The following NRP2 variants were observed in gnomAD, a reference collection of about 807,000 sequenced individuals.
NRP2 encodes neuropilin-2.
A neutral mutation model predicts 110.4 loss-of-function variants in NRP2; 52 were observed. The ratio of observed to expected loss-of-function variants is 0.47; its 90% CI spans 0.38 to 0.59. The LOEUF (loss-of-function observed/expected upper bound fraction) is 0.59, where lower values mean the gene tolerates loss of function less well. Ranked by LOEUF, NRP2 falls within the 20% of genes least tolerant of loss-of-function variation. NRP2 has a pLI of 0.00. For missense variants in NRP2, 1,049 were observed against 1,203.0 expected (o/e 0.87, Z 1.89); for synonymous variants, 508 against 468.9 (o/e 1.08, Z -1.08).
Position 205,770,907 on chromosome 2 carries a change from C to T in NRP2, c.2425+4104C>T, listed in dbSNP as rs181360260. ...ACACAGAGGTGTTCTTTGTGAGGTT[C>T]GCTGGAGCATGCCACCTCTCCTGCT... On this transcript the variant is annotated intron_variant, in intron 15 of 16. Coordinates refer to ENST00000357785, the MANE Select transcript of NRP2 (RefSeq NM_003872.3). 2.4e-4 allele frequency among the ~76,000 whole-genome samples: 36 copies of T among 152,298 alleles called. No individual in the cohort carries two copies. The East Asian group carries it at 5.6e-3, about 24-fold the overall frequency.
intron 7 of NRP2, among the ~76,000 whole-genome samples, chr2:205,730,578 T>C (rs2057218752): frequency 6.6e-6 from 1 of 151,986 alleles, no homozygotes; most frequent in Admixed American, 6.5e-5. Context: ...TCTGCTCTGC[T>C]CAGAGCAGAG....
At chr2:205,740,012 C>CGG in intron 7 of NRP2, 2 of 251,212 alleles carry the variant, frequency 8.0e-6, no homozygotes, top group East Asian at 1.0e-4. Context: ...CCCTCATCAT[C>CGG]TTGTCCGCTC....
At chr2:205,708,464 G>A (rs576035889) in intron 2 of NRP2, among the ~76,000 whole-genome samples, 18 of 152,252 alleles carry the variant, frequency 1.2e-4, no homozygotes, top group African/African-American at 3.9e-4. Context: ...GCTTTGTTGC[G>A]TGCCCTTAAT....
intron 15 of NRP2, among the ~76,000 whole-genome samples, chr2:205,789,600 G>T (rs1339817106): frequency 6.6e-6 from 1 of 152,192 alleles, no homozygotes; most frequent in Non-Finnish European, 1.5e-5. Flanking sequence ...CCCCTTTCCA[G>T]GGAGCTGTGG....
chr2:205,774,727 C>G (rs1012421590), intron 15 of NRP2, among the ~76,000 whole-genome samples: 6 of 152,186 alleles, frequency 3.9e-5, no homozygotes, highest in Non-Finnish European at 8.8e-5. Flanking sequence ...CACCTATTCC[C>G]CAGATCAAAG....
intron 3 of NRP2, 35 bp from the exon 4 acceptor site, chr2:205,722,443 T>C: frequency 6.5e-7 from 1 of 1,531,430 alleles, no homozygotes; most frequent in South Asian, 1.1e-5. Context: ...GAAAGGCATC[T>C]TCTTCTTAGT....
chr2:205,709,110 G>T (rs1024447232), intron 2 of NRP2, among the ~76,000 whole-genome samples: 1 of 152,228 alleles, frequency 6.6e-6, no homozygotes, highest in Non-Finnish European at 1.5e-5. Flanking sequence ...GCAGATGGAG[G>T]ACGGGTGGTT....
chr2:205,696,197 G>T (rs538414895), intron 1 of NRP2, among the ~76,000 whole-genome samples: 1 of 152,178 alleles, frequency 6.6e-6, no homozygotes, highest in Non-Finnish European at 1.5e-5. Flanking sequence ...CTGTCAGGCC[G>T]GTAGTCTAAA....
chr2:205,735,231 G>A (rs1253435444), intron 7 of NRP2, among the ~76,000 whole-genome samples: 1 of 136,730 alleles, frequency 7.3e-6, no homozygotes, highest in Non-Finnish European at 1.6e-5. Flanking sequence ...TTTAGGCTGG[G>A]CAGAAAAATT....
intron 2 of NRP2, chr2:205,700,856 G>A (rs927494717): frequency 2.2e-6 from 1 of 455,808 alleles, no homozygotes; most frequent in Non-Finnish European, 4.4e-6. Context: ...AGGCTGTTTG[G>A]GGGCCTGTAT....
At chr2:205,754,768 T>C (rs1195436659) in intron 12 of NRP2, among the ~76,000 whole-genome samples, 1 of 150,994 alleles carries the variant, frequency 6.6e-6, no homozygotes, top group East Asian at 1.9e-4. Context: ...AGTGTTAATG[T>C]GTGTGTGCAT....
chr2:205,775,919 G>GAGATGTGT (rs1277525242), intron 15 of NRP2, among the ~76,000 whole-genome samples: 2 of 152,190 alleles, frequency 1.3e-5, no homozygotes, highest in Non-Finnish European at 2.9e-5. Context: ...AGAAAGAGAA[G>GAGATGTGT]AGATGTGTAA....
chr2:205,748,601 G>A (rs1330054543), intron 10 of NRP2, among the ~76,000 whole-genome samples: 1 of 152,234 alleles, frequency 6.6e-6, no homozygotes, highest in Non-Finnish European at 1.5e-5. Context: ...AGCGTATTTA[G>A]CAATTTCCTC....
chr2:205,718,063 G>T (rs1052010239), intron 3 of NRP2, among the ~76,000 whole-genome samples: 10 of 152,116 alleles, frequency 6.6e-5, no homozygotes, highest in Admixed American at 2.0e-4. Context: ...CAATAGCAAG[G>T]TCCCTAGTGC....
At chr2:205,724,006 A>C in intron 5 of NRP2, 66 bp downstream of exon 5, 1 of 1,572,884 alleles carries the variant, frequency 6.4e-7, no homozygotes, top group East Asian at 2.2e-5. Context: ...GTACAGGTGA[A>C]GGGGGGCTGA....
intron 8 of NRP2, among the ~76,000 whole-genome samples, chr2:205,741,243 A>T (rs985527993): frequency 6.6e-6 from 1 of 152,270 alleles, no homozygotes; most frequent in Non-Finnish European, 1.5e-5. Flanking sequence ...ATGTCTGGAC[A>T]TAGAGGCTTA....
chr2:205,773,344 T>C (rs766034072), intron 15 of NRP2, among the ~76,000 whole-genome samples: 2 of 152,236 alleles, frequency 1.3e-5, no homozygotes, highest in Non-Finnish European at 2.9e-5. Flanking sequence ...AACATTAACG[T>C]TATTTCTAAC....
intron 3 of NRP2, chr2:205,722,172 T>TACACACACAC (rs10646445): frequency 4.0e-4 from 112 of 280,266 alleles, no homozygotes; most frequent in Non-Finnish European, 5.9e-4. Context: ...CTCTCTCTCA[T>TACACACACAC]ACACACACAC....
chr2:205,722,119 ACT>A (rs2057025358), intron 3 of NRP2: 2 of 336,072 alleles, frequency 6.0e-6, no homozygotes, highest in African/African-American at 4.4e-5. Context: ...GAGAAAGAAG[ACT>A]CTGTTCCTCT....
Sources: gnomAD v4.1 joint callset for allele counts (sites outside exome capture counted in the v4.1 genomes callset) on GRCh38, gnomAD v4.1.1 for gene constraint, MANE v1.5 for transcripts, NCBI Gene and HGNC (gene_info 2026-07-23, HGNC 2026-07-21) for gene names.